ZER1: variants seen among roughly 807,000 people sequenced by gnomAD.
ZER1 encodes protein zer-1 homolog.
ZER1 carries 11 observed loss-of-function variants against 78.8 expected under a neutral mutation model. That is an observed-to-expected ratio of 0.14 (90% CI 0.09 to 0.23). The LOEUF (loss-of-function observed/expected upper bound fraction) is 0.23, where lower values mean the gene tolerates loss of function less well. ZER1 is among the 10% of genes least tolerant of loss of function. The pLI, the probability that ZER1 is intolerant of heterozygous loss-of-function variation, is 1.00. For missense variants in ZER1, 588 were observed against 996.9 expected (o/e 0.59, Z 5.52); for synonymous variants, 400 against 407.0 (o/e 0.98, Z 0.21).
At chr9:128,742,856 G>C (rs1044419715) in intron 8 of ZER1, 111 bp from the exon 9 acceptor site, 9 of 1,145,150 alleles carry the variant, frequency 7.9e-6, no homozygotes, top group Non-Finnish European at 1.1e-5. Flanking sequence ...AGTCCAGCCC[G>C]GTTTTCTGGA....
intron 11 of ZER1, 91 bp downstream of exon 11, chr9:128,741,443 GT>G: frequency 6.4e-7 from 1 of 1,573,076 alleles, no homozygotes; most frequent in African/African-American, 1.3e-5. Context: ...TGGGTGAGGG[GT>G]GCTGCGGATT....
rs750953324 is a variant in ZER1, at chr9:128,751,073, C to T, written c.1185+49G>A. 6 of 1,544,794 alleles carry T rather than the reference C, an allele frequency of 3.9e-6. No homozygotes were observed. In the South Asian group the frequency reaches 7.3e-5, roughly 19 times the overall value. On this transcript the variant is annotated intron_variant, in intron 7 of 15. Transcript: ENST00000291900. This position sits in a 1 kb window ranked among gnomAD's most constrained non-coding sequence, Gnocchi z 5.4. ...ACACGGCTCAGCCAAGCCCGGCAAC[C>T]TCCAGGTGGGGAGGGACAGGAGGCC...
At chr9:128,770,662 T>C (rs1230806039) in intron 1 of ZER1, among the ~76,000 whole-genome samples, 1 of 152,198 alleles carries the variant, frequency 6.6e-6, no homozygotes, top group Non-Finnish European at 1.5e-5. Context: ...ATGTTTATTA[T>C]TTGCTGAATG....
In ZER1 at chr9:128,753,937, C is replaced by A. The variant is rs749487850; in HGVS notation, c.181G>T (p.Ala61Ser). Residue 61 changes from alanine (A) to serine (S), a missense_variant, in exon 3 of 16, where the codon GCC (alanine) becomes TCC (serine). By Grantham distance (99) the Ala-to-Ser change is moderately conservative. Coordinates refer to ENST00000291900, the MANE Select transcript of ZER1 (RefSeq NM_006336.4). The surrounding 1 kb of genome is among the most constrained non-coding windows in gnomAD (Gnocchi z 7.5). ...CTCTCGTGTGGCTCGAAGTTACAGG[C>A]AGCGTTCACCAGCTCCACATACCTG... is the stretch of plus-strand genomic sequence containing the variant. ...VNEYVELVNA[A>S]CNFEPHESFF... 9.4e-6 allele frequency: 15 copies of A among 1,588,496 alleles called. No homozygotes were observed. Among genetic ancestry groups the A allele is most frequent in the Middle Eastern group, 1.6e-4 (1 of 6,062 alleles).
intron 8 of ZER1, among the ~76,000 whole-genome samples, chr9:128,744,464 G>GCA (rs1282232153): frequency 1.0e-4 from 15 of 146,736 alleles, no homozygotes; most frequent in African/African-American, 1.3e-4. Context: ...GATTACAGAT[G>GCA]TGAGCCACCG....
intron 8 of ZER1, among the ~76,000 whole-genome samples, chr9:128,746,922 C>G (rs1424477229): frequency 6.6e-6 from 1 of 152,100 alleles, no homozygotes; most frequent in African/African-American, 2.4e-5. Flanking sequence ...AGGCATGAGC[C>G]ACTGCGCCGG....
rs1862814362 is a variant in ZER1 at position 128,731,412 on chromosome 9, G to C, written c.2244-18C>G. On this transcript the variant is annotated intron_variant, in intron 15 of 15. Coordinates refer to ENST00000291900, the MANE Select transcript of ZER1 (RefSeq NM_006336.4). ...TCACCTTGCTGGAGACAATGGGGGA[G>C]ACAGGATTGGAGGGTGGGCTTGGGT... 2 of 627,996 alleles carry C rather than the reference G, an allele frequency of 3.2e-6. No homozygotes were observed. The highest frequency in any genetic ancestry group is 2.8e-5 in the South Asian group (2 of 72,120). 38.9% of individuals were successfully genotyped at this position (627,996 alleles called of 1,614,324 possible).
chr9:128,755,452 C>T lies in ZER1; in HGVS notation c.114G>A (p.Pro38=), dbSNP rs141568605. ...LLDKETLRLH[P]DIFLPSEICD... ...AGATCTCGCTGGGCAAGAAGATGTCCGGATGTAGCCGCAGGGTCTCCTTGT... is the reference window on the plus strand; with the variant it reads ...AGATCTCGCTGGGCAAGAAGATGTCTGGATGTAGCCGCAGGGTCTCCTTGT... Residue 38 remains proline, a synonymous_variant, in exon 2 of 16, where the codon CCG becomes CCA. Transcript: ENST00000291900. This position sits in a 1 kb window ranked among gnomAD's most constrained non-coding sequence, Gnocchi z 5.6. 1.4e-5 allele frequency: 22 copies of T among 1,613,840 alleles called. No individual in the cohort carries two copies. The highest frequency in any genetic ancestry group is 3.3e-5 in the South Asian group (3 of 91,068).
At chr9:128,763,501 G>A (rs1864111923) in intron 1 of ZER1, among the ~76,000 whole-genome samples, 1 of 152,240 alleles carries the variant, frequency 6.6e-6, no homozygotes, top group Non-Finnish European at 1.5e-5. Flanking sequence ...GGGGTCCTTG[G>A]TGAGCGAGCC....
chr9:128,743,061 C>A (rs1028019524), intron 8 of ZER1, among the ~76,000 whole-genome samples: 4 of 152,170 alleles, frequency 2.6e-5, no homozygotes, highest in Admixed American at 2.6e-4. Flanking sequence ...GATCATAAGA[C>A]CCTTAGCCCT....
intron 15 of ZER1, among the ~76,000 whole-genome samples, chr9:128,731,830 T>C (rs1006628639): frequency 6.6e-6 from 1 of 152,212 alleles, no homozygotes; most frequent in African/African-American, 2.4e-5. Context: ...GAGGCCCGGA[T>C]CCAGTGGCAG....
Position 128,751,620 on chromosome 9 carries a change from C to T in ZER1, c.924-93G>A. On this transcript the variant is annotated intron_variant, in intron 5 of 15. Coordinates refer to ENST00000291900, the MANE Select transcript of ZER1 (RefSeq NM_006336.4). The surrounding 1 kb of genome is among the most constrained non-coding windows in gnomAD (Gnocchi z 5.4). ...GTGGTGAGGCATTTCCTTGCTTTCT[C>T]TTCTAGGCCCTCCAACCTCATCCCC... 1 of 1,011,972 alleles carries T rather than the reference C, an allele frequency of 9.9e-7. No homozygotes were observed. The highest frequency in any genetic ancestry group is 2.0e-5 in the Admixed American group (1 of 49,866). The allele number at this position is 1,011,972 out of a possible 1,614,324, so 62.7% of individuals were successfully genotyped here. A position where few individuals can be genotyped will look rare whatever the true frequency, so the allele number is the denominator to read the frequency against.
intron 13 of ZER1, among the ~76,000 whole-genome samples, chr9:128,738,964 G>C (rs533533434): frequency 6.7e-6 from 1 of 149,934 alleles, no homozygotes; most frequent in African/African-American, 2.5e-5. Flanking sequence ...CGATTCTCCT[G>C]CCTCAGCCTC....
intron 1 of ZER1, among the ~76,000 whole-genome samples, chr9:128,770,372 C>T (rs1046209791): frequency 4.6e-5 from 7 of 152,038 alleles, no homozygotes; most frequent in South Asian, 2.1e-4. Flanking sequence ...TCAGGTGATC[C>T]GGCTGCCTCA....
chr9:128,764,708 C>T (rs568989435), intron 1 of ZER1, among the ~76,000 whole-genome samples: 1 of 152,284 alleles, frequency 6.6e-6, no homozygotes, highest in South Asian at 2.1e-4. Context: ...CCAGAGGCAG[C>T]CATCTCTACC....
intron 1 of ZER1, among the ~76,000 whole-genome samples, chr9:128,769,160 T>C (rs1287164884): frequency 6.6e-6 from 1 of 152,164 alleles, no homozygotes; most frequent in Admixed American, 6.6e-5. Flanking sequence ...TCAAGAAGTT[T>C]CTGTCTTGCT....
chr9:128,744,138 C>T (rs2132420908), intron 8 of ZER1, among the ~76,000 whole-genome samples: 1 of 152,112 alleles, frequency 6.6e-6, no homozygotes, highest in South Asian at 2.1e-4. Context: ...ACCTCGTGAT[C>T]CACCCACCTC....
rs776473569 is a variant in ZER1 at position 128,750,795 on chromosome 9, T to C, written c.1186-6A>G. 2.5e-6 allele frequency: 4 copies of C among 1,614,148 alleles called. No individual in the cohort carries two copies. The highest frequency in any genetic ancestry group is 4.5e-5 in the East Asian group (2 of 44,890). On this transcript the variant is annotated splice_region_variant and splice_polypyrimidine_tract_variant and intron_variant, in intron 7 of 15. Coordinates refer to ENST00000291900, the MANE Select transcript of ZER1 (RefSeq NM_006336.4). ...TTGAGGGCCGTGATGACCAGCTGTA[T>C]GAAGACAAGGGGGACCTGGGCTGGC...
chr9:128,759,170 T>C (rs1224338690), intron 1 of ZER1, among the ~76,000 whole-genome samples: 1 of 151,072 alleles, frequency 6.6e-6, no homozygotes, highest in African/African-American at 2.4e-5. Context: ...CCAGTGAATA[T>C]TGTTTTTTTT....
Sources: gnomAD v4.1 joint callset for allele counts (sites outside exome capture counted in the v4.1 genomes callset) on GRCh38, gnomAD v4.1.1 for gene constraint, Gnocchi (gnomAD v3.1) non-coding constraint, MANE v1.5 for transcripts, NCBI Gene and HGNC (gene_info 2026-07-23, HGNC 2026-07-21) for gene names.